RBFOX3: variants seen among roughly 807,000 people sequenced by gnomAD.
The protein encoded by RBFOX3 is RNA binding fox-1 homolog 3.
RBFOX3 carries 17 observed loss-of-function variants against 48.7 expected under a neutral mutation model. That is an observed-to-expected ratio of 0.35 (90% CI 0.24 to 0.52). The LOEUF is 0.52. Among genes scored for constraint, RBFOX3 ranks in the 20% least tolerant of loss-of-function variants. The pLI, the probability that RBFOX3 is intolerant of heterozygous loss-of-function variation, is 0.94. For synonymous variants in RBFOX3, 212 were observed against 209.5 expected (o/e 1.01, Z -0.10); for missense variants, 382 against 497.5 (o/e 0.77, Z 2.21).
intron 4 of RBFOX3, among the ~76,000 whole-genome samples, chr17:79,144,418 C>G (rs1193519356): frequency 6.6e-6 from 1 of 152,232 alleles, no homozygotes; most frequent in Non-Finnish European, 1.5e-5. Flanking sequence ...CCCAAGGTCC[C>G]TCCCCAAGCC....
intron 2 of RBFOX3, among the ~76,000 whole-genome samples, chr17:79,330,579 G>GT (rs2080113279): frequency 6.6e-6 from 1 of 151,748 alleles, no homozygotes; most frequent in Non-Finnish European, 1.5e-5. Context: ...AGGGTGGCAG[G>GT]GGGTCTGATA....
chr17:79,387,009 A>G (rs556690543), intron 2 of RBFOX3, among the ~76,000 whole-genome samples: 1 of 152,198 alleles, frequency 6.6e-6, no homozygotes, highest in African/African-American at 2.4e-5. Flanking sequence ...CTTTTTCACT[A>G]TTTTTTACAT....
chr17:79,143,937 G>A (rs746687424), intron 4 of RBFOX3, among the ~76,000 whole-genome samples: 2 of 152,202 alleles, frequency 1.3e-5, no homozygotes, highest in African/African-American at 2.4e-5. Context: ...AGGCCAGGAC[G>A]GACACCCCCA....
chr17:79,298,118 A>T (rs1479935841), intron 3 of RBFOX3: 1 of 152,224 alleles, frequency 6.6e-6, no homozygotes, highest in African/African-American at 2.4e-5. Context: ...GGAGCACTGG[A>T]GATGTCTTCT....
At chr17:79,152,936 G>C (rs1389983259) in intron 4 of RBFOX3, among the ~76,000 whole-genome samples, 1 of 152,204 alleles carries the variant, frequency 6.6e-6, no homozygotes, top group African/African-American at 2.4e-5. Flanking sequence ...GGTGTTTCCA[G>C]CCCTTCTCTG....
At chr17:79,255,222 C>T (rs73416032) in intron 3 of RBFOX3, among the ~76,000 whole-genome samples, 11,373 of 147,636 alleles carry the variant, frequency 0.077, 593 homozygotes, top group South Asian at 0.11. Flanking sequence ...CACATGTGTG[C>T]GTGTGTGTGT....
chr17:79,582,751 C>G (rs2093115531), intron 1 of RBFOX3, among the ~76,000 whole-genome samples: 2 of 140,696 alleles, frequency 1.4e-5, no homozygotes, highest in South Asian at 4.5e-4. Context: ...CCACTGCACT[C>G]CAGCCTGGGA....
intron 3 of RBFOX3, among the ~76,000 whole-genome samples, chr17:79,245,538 AC>A (rs2063037731): frequency 6.7e-6 from 1 of 148,894 alleles, no homozygotes; most frequent in Non-Finnish European, 1.5e-5. Flanking sequence ...CCCACCGCTC[AC>A]CCCCTCAGTC....
chr17:79,610,793 G>A (rs2093954144), intron 1 of RBFOX3, among the ~76,000 whole-genome samples, 33 bp downstream of exon 1: 1 of 152,166 alleles, frequency 6.6e-6, no homozygotes, highest in African/African-American at 2.4e-5. Flanking sequence ...GACCGCCGCA[G>A]AGCGAGGCGG....
chr17:79,472,717 C>T (rs969401414), intron 2 of RBFOX3, among the ~76,000 whole-genome samples: 5 of 152,220 alleles, frequency 3.3e-5, no homozygotes, highest in African/African-American at 1.2e-4. Flanking sequence ...ACACCTCCCA[C>T]ATCTCATGAC....
chr17:79,316,283 C>T (rs750682138), intron 2 of RBFOX3, among the ~76,000 whole-genome samples: 10 of 152,282 alleles, frequency 6.6e-5, no homozygotes, highest in South Asian at 2.1e-4. Context: ...GAAGATCGAA[C>T]GTCACCCATG....
rs144788388 is a variant in RBFOX3 at position 79,405,566 on chromosome 17, C to G, written c.-175+76888G>C. On this transcript the variant is annotated intron_variant, in intron 2 of 14. Transcript: ENST00000693108. ...CGAAACCCTGTCTGTACTAAAAACA[C>G]AAAAATTAGCTGGGTGTGGTGGCAC... Among the ~76,000 whole-genome samples, 883 of 152,182 alleles carry G rather than the reference C, an allele frequency of 5.8e-3. 8 individuals are homozygous for G. Among genetic ancestry groups the G allele is most frequent in the South Asian group, 0.013 (63 of 4,814 alleles).
intron 2 of RBFOX3, among the ~76,000 whole-genome samples, chr17:79,411,041 T>C (rs899759692): frequency 6.6e-6 from 1 of 152,294 alleles, no homozygotes; most frequent in East Asian, 1.9e-4. Context: ...GCCAGCTACC[T>C]TGCCATTTTG....
chr17:79,431,832 T>G (rs1326780402), intron 2 of RBFOX3, among the ~76,000 whole-genome samples: 4 of 152,234 alleles, frequency 2.6e-5, no homozygotes, highest in Non-Finnish European at 5.9e-5. Flanking sequence ...ATTACTATCT[T>G]GAGTGTACAG....
chr17:79,570,783 A>G lies in RBFOX3; in HGVS notation c.-320+40043T>C, dbSNP rs1209326392. ...TCTCGGGTGGCTCAGGGGATCGGCCAGGGCTGGGAACCCCTGATGCAGGGC... is the reference window on the plus strand; with the variant it reads ...TCTCGGGTGGCTCAGGGGATCGGCCGGGGCTGGGAACCCCTGATGCAGGGC... On this transcript the variant is annotated intron_variant, in intron 1 of 14. Coordinates refer to ENST00000693108, the MANE Select transcript of RBFOX3 (RefSeq NM_001350451.2). 2.6e-5 allele frequency among the ~76,000 whole-genome samples: 4 copies of G among 152,334 alleles called. No homozygotes were observed. In the East Asian group the frequency reaches 7.7e-4, roughly 29 times the overall value.
At chr17:79,248,438 T>TG (rs1159634872) in intron 3 of RBFOX3, among the ~76,000 whole-genome samples, 6 of 151,908 alleles carry the variant, frequency 3.9e-5, no homozygotes, top group African/African-American at 7.3e-5. Context: ...CCTGGAAGGG[T>TG]GGGGGGTCTT....
intron 1 of RBFOX3, among the ~76,000 whole-genome samples, chr17:79,577,820 G>A (rs1041253323): frequency 4.3e-4 from 66 of 152,308 alleles, no homozygotes; most frequent in African/African-American, 1.4e-3. Flanking sequence ...ACTGGGGTAC[G>A]GTCCTCTCTG....
At chr17:79,644,059 G>A in the RBFOX3 span, among the ~76,000 whole-genome samples, 1 of 152,084 alleles carries the variant, frequency 6.6e-6, no homozygotes, top group African/African-American at 2.4e-5. Context: ...GGTTAATAAT[G>A]GAATATTAAG....
At chr17:79,332,401 G>A (rs1368221601) in intron 2 of RBFOX3, among the ~76,000 whole-genome samples, 2 of 152,118 alleles carry the variant, frequency 1.3e-5, no homozygotes, top group East Asian at 3.9e-4. Context: ...GAGAGGGAAA[G>A]GGATAGATAG....
Sources: gnomAD v4.1 joint callset for allele counts (sites outside exome capture counted in the v4.1 genomes callset) on GRCh38, gnomAD v4.1.1 for gene constraint, MANE v1.5 for transcripts, NCBI Gene and HGNC (gene_info 2026-07-23, HGNC 2026-07-21) for gene names.